Variants in LRTM3 observed in about 807,000 individuals in gnomAD.
The protein encoded by LRTM3 is leucine-rich repeat transmembrane protein 3.
At chr13:102,752,056 C>A in the LRTM3 span, among the ~76,000 whole-genome samples, 1 of 152,094 alleles carries the variant, frequency 6.6e-6, no homozygotes, top group Non-Finnish European at 1.5e-5. Context: ...CTCCCTTTCG[C>A]CTTCAACAAA....
At chr13:102,756,196 C>T in the LRTM3 span, among the ~76,000 whole-genome samples, 1 of 150,830 alleles carries the variant, frequency 6.6e-6, no homozygotes, top group South Asian at 2.1e-4. Flanking sequence ...CAGTGATCCG[C>T]CCACCTCAGC....
the LRTM3 span, chr13:102,740,258 T>C: frequency 6.5e-7 from 1 of 1,549,924 alleles, no homozygotes; most frequent in Non-Finnish European, 8.7e-7. Context: ...AGTTTTATGG[T>C]ATGATCCTAA....
chr13:102,755,596 C>T, the LRTM3 span, among the ~76,000 whole-genome samples: 1 of 151,828 alleles, frequency 6.6e-6, no homozygotes, highest in African/African-American at 2.4e-5. Flanking sequence ...GGGAGCTGAA[C>T]AATGAGAACA....
chr13:102,735,890 G>C, the LRTM3 span: 15 of 1,539,366 alleles, frequency 9.7e-6, no homozygotes, highest in Non-Finnish European at 1.3e-5. Context: ...AACCACTCCA[G>C]GTTCCTTTTT....
At chr13:102,739,175 T>C in the LRTM3 span, 1 of 1,549,962 alleles carries the variant, frequency 6.5e-7, no homozygotes, top group Non-Finnish European at 8.7e-7. Context: ...TTCATCTTCC[T>C]GCGTCATTTT....
the LRTM3 span, chr13:102,735,580 G>C: frequency 6.4e-7 from 1 of 1,551,024 alleles, no homozygotes; most frequent in Non-Finnish European, 8.7e-7. Context: ...GTATATCTGA[G>C]AGTAGTAATT....
At chr13:102,746,374 C>A in the LRTM3 span, 1 of 1,550,862 alleles carries the variant, frequency 6.4e-7, no homozygotes, top group South Asian at 1.2e-5. Context: ...CAGTGTATGT[C>A]TTATCTGCTG....
chr13:102,755,955 A>ATT, the LRTM3 span, among the ~76,000 whole-genome samples: 52,557 of 101,448 alleles, frequency 0.52, 12,501 homozygotes, highest in Non-Finnish European at 0.61. Context: ...ATATATATAT[A>ATT]TATATATTTT....
At chr13:102,729,720 T>A in the LRTM3 span, 1 of 1,552,052 alleles carries the variant, frequency 6.4e-7, no homozygotes, top group Non-Finnish European at 8.7e-7. Context: ...GATGCTGATT[T>A]ATGTTTGCTT....
the LRTM3 span, chr13:102,741,033 C>G: frequency 8.4e-6 from 13 of 1,550,148 alleles, no homozygotes; most frequent in African/African-American, 1.4e-5. Context: ...GGGCTTAGAA[C>G]TTTTGAACTC....
At chr13:102,741,520 A>C in the LRTM3 span, 4 of 1,549,748 alleles carry the variant, frequency 2.6e-6, no homozygotes, top group Admixed American at 2.0e-5. Context: ...TTTTTCTGTT[A>C]ATGTACACAT....
chr13:102,758,566 C>T, the LRTM3 span: 4 of 1,547,516 alleles, frequency 2.6e-6, no homozygotes, highest in Non-Finnish European at 3.5e-6. Flanking sequence ...TTTGGGGCAA[C>T]TGTCTTCCGT....
At chr13:102,748,081 C>CCTTATTATT in the LRTM3 span, 1 of 1,550,982 alleles carries the variant, frequency 6.4e-7, no homozygotes, top group East Asian at 2.4e-5. Context: ...AATGACTGAG[C>CCTTATTATT]CTTATTATTC....
the LRTM3 span, chr13:102,731,477 T>C: frequency 1.3e-6 from 2 of 1,551,418 alleles, no homozygotes; most frequent in Admixed American, 3.9e-5. Context: ...GGGAGTAAAC[T>C]GTTCTAAAAG....
At chr13:102,735,975 G>C in the LRTM3 span, 1 of 1,549,400 alleles carries the variant, frequency 6.5e-7, no homozygotes, top group South Asian at 1.2e-5. Context: ...AGTGCAAGTG[G>C]GAGTGCCTCT....
chr13:102,730,588 G>A, the LRTM3 span: 1 of 1,551,960 alleles, frequency 6.4e-7, no homozygotes, highest in Non-Finnish European at 8.7e-7. Flanking sequence ...GCAGATCACG[G>A]TCAGAAGCAC....
the LRTM3 span, chr13:102,732,068 A>G: frequency 1.3e-5 from 20 of 1,551,244 alleles, no homozygotes; most frequent in Admixed American, 2.0e-5. Flanking sequence ...GTCCACTGCA[A>G]AGGGCTGGGG....
At chr13:102,741,783 C>A in the LRTM3 span, 2 of 1,550,450 alleles carry the variant, frequency 1.3e-6, 1 homozygote, top group South Asian at 2.4e-5. Flanking sequence ...ATGCCCACAT[C>A]TTTTTCCTTT....
the LRTM3 span, chr13:102,747,023 T>G: frequency 6.4e-7 from 1 of 1,551,308 alleles, no homozygotes; most frequent in Non-Finnish European, 8.7e-7. Context: ...CTTCTCTAGA[T>G]GTGCATCAAG....
Sources: gnomAD v4.1 joint callset for allele counts (sites outside exome capture counted in the v4.1 genomes callset) on GRCh38, gnomAD v4.1.1 for gene constraint, MANE v1.5 for transcripts, NCBI Gene and HGNC (gene_info 2026-07-23, HGNC 2026-07-21) for gene names.